MYO7A: variants seen among roughly 807,000 people sequenced by gnomAD.
MYO7A encodes myosin VIIA.
Under a neutral mutation model 263.8 loss-of-function variants are expected in MYO7A, and 210 were observed. The ratio of observed to expected loss-of-function variants is 0.80; its 90% CI spans 0.71 to 0.89. MYO7A has a LOEUF of 0.89. MYO7A is among the 40% of genes least tolerant of loss of function. The pLI is 0.00. For synonymous variants in MYO7A, 1,239 were observed against 1,197.3 expected (o/e 1.03, Z -0.72); for missense variants, 2,820 against 2,968.3 (o/e 0.95, Z 1.16).
At chr11:77,213,120 C>T in intron 47 of MYO7A, 85 bp downstream of exon 47, 3 of 1,050,152 alleles carry the variant, frequency 2.9e-6, no homozygotes, top group Non-Finnish European at 2.8e-6. Flanking sequence ...CACAAGCCCT[C>T]CTAGCCACCA....
rs1223746176 is a variant in MYO7A at position 77,198,713 on chromosome 11, A to AGC, written c.4568+93_4568+94insCG. 5.1e-6 allele frequency: 8 copies of AGC among 1,563,706 alleles called. No individual in the cohort carries two copies. In the African/African-American group the frequency reaches 1.1e-4, roughly 21 times the overall value. On this transcript the variant is annotated intron_variant, in intron 34 of 48. Transcript: ENST00000409709. ...GGTCACAGGAAGTGAAGAGGCATGA[A>AGC]GTGGCCTGCCTGGTTGCACGTGATT...
In MYO7A at chr11:77,213,850, G is replaced by C. The variant is rs763122669; in HGVS notation, c.6439-10G>C. 1.5e-5 allele frequency: 24 copies of C among 1,613,868 alleles called. No homozygotes were observed. Among genetic ancestry groups the C allele is most frequent in the Non-Finnish European group, 1.8e-5 (21 of 1,179,890 alleles). ...GGCCGTGCCTCTCTATGCCCTTTCT[G>C]CTCCCCCAGGATATCCTCACCACTC... On this transcript the variant is annotated splice_polypyrimidine_tract_variant and intron_variant, in intron 47 of 48. Coordinates refer to ENST00000409709, the MANE Select transcript of MYO7A (RefSeq NM_000260.4).
intron 36 of MYO7A, among the ~76,000 whole-genome samples, chr11:77,201,859 C>T (rs550317242): frequency 6.7e-5 from 5 of 74,852 alleles, no homozygotes; most frequent in African/African-American, 2.8e-4. Flanking sequence ...GGGGTGGGGC[C>T]GGGGGTGGGG....
At chr11:77,137,064 G>C (rs1555047683) in intron 2 of MYO7A, among the ~76,000 whole-genome samples, 1 of 152,230 alleles carries the variant, frequency 6.6e-6, no homozygotes. Context: ...ACTTCCTTGT[G>C]TCTGAGGTCT....
At chr11:77,164,912 T>G (rs1319796542) in intron 14 of MYO7A, among the ~76,000 whole-genome samples, 1 of 152,184 alleles carries the variant, frequency 6.6e-6, no homozygotes, top group Non-Finnish European at 1.5e-5. Context: ...CTGGAAAGAA[T>G]TCTACCAGCA....
rs1218540192 is a variant in MYO7A, at chr11:77,207,149, T to C, written c.5743-140T>C. Reference sequence around the variant, plus strand: ...GGAGTAGCCCTTTCCTTTTGTTAAATGCCATGCCCAGCTCTGTGCCCACAG... The same window carrying C: ...GGAGTAGCCCTTTCCTTTTGTTAAACGCCATGCCCAGCTCTGTGCCCACAG... On this transcript the variant is annotated intron_variant, in intron 41 of 48. Coordinates refer to ENST00000409709, the MANE Select transcript of MYO7A (RefSeq NM_000260.4). The C allele has an allele frequency of 6.8e-6, 4 of 590,792 alleles. No homozygotes were observed. In the South Asian group the frequency reaches 8.9e-5, roughly 13 times the overall value. 36.6% of individuals were successfully genotyped at this position (590,792 alleles called of 1,614,324 possible).
In MYO7A at chr11:77,189,997, C is replaced by G. The variant is rs745556554; in HGVS notation, c.3631-23C>G. The G allele has an allele frequency of 1.1e-5, 16 of 1,511,792 alleles. No individual in the cohort carries two copies. The South Asian group carries it at 1.9e-4, about 18-fold the overall frequency. 93.6% of individuals were successfully genotyped at this position (1,511,792 alleles called of 1,614,324 possible). A position where few individuals can be genotyped will look rare whatever the true frequency, so the allele number is the denominator to read the frequency against. ...CCACATGGGGAGCCCCAGGGGCCGCCTCAGCGGGTACTCTGGCTGCAGTAC... is the reference window on the plus strand; with the variant it reads ...CCACATGGGGAGCCCCAGGGGCCGCGTCAGCGGGTACTCTGGCTGCAGTAC... On this transcript the variant is annotated intron_variant, in intron 28 of 48. Transcript: ENST00000409709.
At chr11:77,151,087 G>A (rs1311479363) in intron 4 of MYO7A, among the ~76,000 whole-genome samples, 1 of 152,198 alleles carries the variant, frequency 6.6e-6, no homozygotes, top group Non-Finnish European at 1.5e-5. Flanking sequence ...CTGTCCCCAG[G>A]AGCCTGAGAG....
intron 2 of MYO7A, among the ~76,000 whole-genome samples, chr11:77,141,518 T>A (rs1555050617): frequency 8.4e-6 from 1 of 119,144 alleles, no homozygotes; most frequent in East Asian, 3.7e-4. Context: ...GGAGTTGGAG[T>A]ACCACCCAAA....
chr11:77,167,108 C>T (rs529916317), intron 15 of MYO7A, among the ~76,000 whole-genome samples: 9 of 152,232 alleles, frequency 5.9e-5, no homozygotes, highest in African/African-American at 2.2e-4. Flanking sequence ...GGCTTTTTCT[C>T]CTTTTTTTTG....
intron 21 of MYO7A, 98 bp downstream of exon 21, chr11:77,180,051 G>T (rs1014370457): frequency 5.5e-6 from 7 of 1,264,792 alleles, no homozygotes; most frequent in East Asian, 2.6e-5. Flanking sequence ...GGACCTATAG[G>T]GGGGACCTGC....
chr11:77,136,146 A>C (rs192782646), intron 2 of MYO7A, among the ~76,000 whole-genome samples: 9 of 152,168 alleles, frequency 5.9e-5, no homozygotes, highest in African/African-American at 2.2e-4. Flanking sequence ...TTTGTGAGGG[A>C]TAGTTATGCC....
At chr11:77,170,096 G>T (rs1231064491) in intron 15 of MYO7A, among the ~76,000 whole-genome samples, 1 of 152,068 alleles carries the variant, frequency 6.6e-6, no homozygotes, top group Non-Finnish European at 1.5e-5. Context: ...TAGATAGAAA[G>T]CCAATAAATA....
Position 77,181,405 on chromosome 11 carries a change from A to G in MYO7A, c.2720A>G (p.Glu907Gly). Residue 907 changes from glutamate (E) to glycine (G), a missense_variant, in exon 23 of 49, where the codon GAG becomes GGG. Transcript: ENST00000409709. ...GAGCGCCTGGCCCAGCTGGCTCGTG[A>G]GGACGCTGAGCGGGAGCTGAAGGAG... ...HQERLAQLAREDAERELKEKE... is the reference protein window; with the variant it reads ...HQERLAQLARGDAERELKEKE... 1 of 1,578,640 alleles carries G rather than the reference A, an allele frequency of 6.3e-7. No individual in the cohort carries two copies. The highest frequency in any genetic ancestry group is 8.6e-7 in the Non-Finnish European group (1 of 1,163,044).
chr11:77,173,348 T>A (rs1386811840), intron 16 of MYO7A, among the ~76,000 whole-genome samples: 1 of 152,244 alleles, frequency 6.6e-6, no homozygotes, highest in Non-Finnish European at 1.5e-5. Context: ...CACCTCCTCC[T>A]GGAAGCCTCC....
intron 1 of MYO7A, among the ~76,000 whole-genome samples, chr11:77,129,025 T>C (rs1331044574): frequency 1.3e-5 from 2 of 152,194 alleles, no homozygotes; most frequent in Non-Finnish European, 2.9e-5. Flanking sequence ...GAAATTAACT[T>C]GAAGGTGGTC....
intron 19 of MYO7A, 123 bp from the exon 20 acceptor site, chr11:77,178,922 G>A (rs781918470): frequency 3.0e-5 from 22 of 725,390 alleles, no homozygotes; most frequent in Non-Finnish European, 5.3e-5. Context: ...TATGTGCCTT[G>A]CCCAAGGTCA....
chr11:77,201,616 C>T lies in MYO7A; in HGVS notation c.5021C>T (p.Thr1674Ile), dbSNP rs766461538. ...TDSVYVMPTV[T>I]MPPREIVALV... is the part of the protein sequence containing the mutation. ...AGTGTGTACGTCATGCCCACTGTCA[C>T]CATGCCACCGCGGGAGATTGTGGTA... Residue 1674 changes from threonine (T) to isoleucine (I), a missense_variant, in exon 36 of 49, where the codon ACC becomes ATC. Physicochemically the swap from Thr to Ile is moderately conservative, Grantham distance 89. Transcript: ENST00000409709. The T allele has an allele frequency of 6.2e-7, 1 of 1,613,648 alleles. No individual in the cohort carries two copies. The highest frequency in any genetic ancestry group is 2.2e-5 in the East Asian group (1 of 44,858).
At position 77,208,437 on chromosome 11, in the gene MYO7A, G is replaced by A; in HGVS notation, c.5864G>A (p.Ser1955Asn). Reference sequence around the variant, plus strand: ...CGATGGCCCTGACCCCAGGTCCTCAGCGTTCCTGAGAATGACTTCTTCTTT... The same window carrying A: ...CGATGGCCCTGACCCCAGGTCCTCAACGTTCCTGAGAATGACTTCTTCTTT... ...LFVKIADKVL[S>N]VPENDFFFDF... Residue 1955 changes from serine (S) to asparagine (N), a missense_variant, in exon 43 of 49, where the codon AGC (serine) becomes AAC (asparagine). Coordinates refer to ENST00000409709, the MANE Select transcript of MYO7A (RefSeq NM_000260.4). 6.2e-7 allele frequency: 1 copy of A among 1,612,540 alleles called. No individual in the cohort carries two copies. Among genetic ancestry groups the A allele is most frequent in the Non-Finnish European group, 8.5e-7 (1 of 1,178,816 alleles).
Sources: allele counts gnomAD v4.1 joint callset (sites outside exome capture counted in the v4.1 genomes callset), GRCh38; gene constraint gnomAD v4.1.1; transcripts MANE v1.5; gene names NCBI Gene and HGNC (gene_info 2026-07-23, HGNC 2026-07-21).